Variants in QNG1 observed in about 807,000 individuals in gnomAD.
QNG1 encodes Q-nucleotide N-glycosylase 1.
chr9:83,956,372 C>T, the QNG1 span: 64 of 1,606,836 alleles, frequency 4.0e-5, no homozygotes, highest in Non-Finnish European at 5.2e-5. Flanking sequence ...CCACGCGCAG[C>T]TCTGGCCCCG....
At chr9:83,954,266 A>G in the QNG1 span, among the ~76,000 whole-genome samples, 699 of 152,260 alleles carry the variant, frequency 4.6e-3, 4 homozygotes, top group African/African-American at 0.016. Flanking sequence ...TTCTTGAAGT[A>G]CTAAAAATAC....
the QNG1 span, among the ~76,000 whole-genome samples, chr9:83,944,437 T>C: frequency 6.6e-6 from 1 of 152,200 alleles, no homozygotes; most frequent in Non-Finnish European, 1.5e-5. Flanking sequence ...ATATTACCTA[T>C]CTTTCAACCT....
At chr9:83,940,225 C>T in the QNG1 span, among the ~76,000 whole-genome samples, 45 of 152,134 alleles carry the variant, frequency 3.0e-4, no homozygotes, top group African/African-American at 9.6e-4. Flanking sequence ...GGCAACATGA[C>T]AAAACCCTGT....
the QNG1 span, among the ~76,000 whole-genome samples, chr9:83,955,160 C>T: frequency 0.38 from 57,531 of 152,046 alleles, 13,247 homozygotes; most frequent in African/African-American, 0.65. Flanking sequence ...GATCACGCCA[C>T]TGCACTCCAG....
chr9:83,955,445 G>A, the QNG1 span: 2 of 1,614,052 alleles, frequency 1.2e-6, no homozygotes, highest in South Asian at 1.1e-5. Context: ...TAACTTCTGC[G>A]CACTATTCTC....
At chr9:83,948,622 T>G in the QNG1 span, among the ~76,000 whole-genome samples, 1 of 152,146 alleles carries the variant, frequency 6.6e-6, no homozygotes, top group African/African-American at 2.4e-5. Context: ...GAGCGGGCCA[T>G]GATGACGATG....
the QNG1 span, among the ~76,000 whole-genome samples, chr9:83,949,469 C>T: frequency 9.2e-5 from 14 of 151,778 alleles, no homozygotes; most frequent in South Asian, 2.1e-4. Flanking sequence ...CATAGAGAAA[C>T]CCCGTCTCTA....
chr9:83,942,456 C>T, the QNG1 span, among the ~76,000 whole-genome samples: 21 of 152,064 alleles, frequency 1.4e-4, no homozygotes, highest in Admixed American at 5.2e-4. Context: ...GTGGCACTTC[C>T]AAGGGTTGTC....
chr9:83,956,343 T>C, the QNG1 span: 1 of 1,612,782 alleles, frequency 6.2e-7, no homozygotes, highest in South Asian at 1.1e-5. Flanking sequence ...GTTCAGCTCA[T>C]GAAGGGCTTT....
the QNG1 span, chr9:83,955,781 A>G: frequency 1.3e-6 from 1 of 788,320 alleles, no homozygotes; most frequent in African/African-American, 1.7e-5. Context: ...AAAAATCTAA[A>G]GCAAAACTCA....
chr9:83,946,555 A>G, the QNG1 span, among the ~76,000 whole-genome samples: 1 of 152,236 alleles, frequency 6.6e-6, no homozygotes, highest in East Asian at 1.9e-4. Context: ...TACATAGAAA[A>G]GACAAATTTA....
chr9:83,956,059 C>G, the QNG1 span: 3 of 1,162,572 alleles, frequency 2.6e-6, no homozygotes, highest in Non-Finnish European at 2.5e-6. Context: ...GGTTCGCTTT[C>G]CATTATTCCA....
chr9:83,955,524 G>C, the QNG1 span: 1 of 1,614,160 alleles, frequency 6.2e-7, no homozygotes. Context: ...GTTTCATTGA[G>C]AATCCGATGC....
At chr9:83,941,906 CAA>C in the QNG1 span, among the ~76,000 whole-genome samples, 1 of 132,084 alleles carries the variant, frequency 7.6e-6, no homozygotes. Flanking sequence ...AACTCCGTCT[CAA>C]AAAAAAAAAA....
At chr9:83,939,866 G>A in the QNG1 span, 11 of 664,788 alleles carry the variant, frequency 1.7e-5, no homozygotes, top group Non-Finnish European at 2.3e-5. Flanking sequence ...AATCTCAGAC[G>A]TTATTTTTGG....
chr9:83,947,684 T>G, the QNG1 span, among the ~76,000 whole-genome samples: 1 of 152,184 alleles, frequency 6.6e-6, no homozygotes, highest in Non-Finnish European at 1.5e-5. Context: ...TGACTGGTTT[T>G]TGTATTTTTT....
At chr9:83,948,165 AC>A in the QNG1 span, among the ~76,000 whole-genome samples, 3 of 129,138 alleles carry the variant, frequency 2.3e-5, no homozygotes, top group African/African-American at 9.3e-5. Context: ...TCCGGCCGCG[AC>A]CCCGTCTGGG....
chr9:83,950,581 TTTTTC>T, the QNG1 span, among the ~76,000 whole-genome samples: 15 of 146,166 alleles, frequency 1.0e-4, no homozygotes, highest in African/African-American at 3.3e-4. Flanking sequence ...TGAGTTAATT[TTTTTC>T]TTTTCTTTTC....
the QNG1 span, chr9:83,939,365 C>A: frequency 1.1e-5 from 7 of 633,026 alleles, no homozygotes; most frequent in African/African-American, 3.7e-5. Flanking sequence ...AACCACTGTG[C>A]CCGGCCTAGG....
Sources: allele counts gnomAD v4.1 joint callset (sites outside exome capture counted in the v4.1 genomes callset), GRCh38; gene constraint gnomAD v4.1.1; transcripts MANE v1.5; gene names NCBI Gene and HGNC (gene_info 2026-07-23, HGNC 2026-07-21).